SAXO1: variants seen among roughly 807,000 people sequenced by gnomAD.
SAXO1 encodes 4930500O09Rik.
In SAXO1, 21 loss-of-function variants were observed where a neutral mutation model predicts 17.5. That is an observed-to-expected ratio of 1.20 (90% confidence interval 0.85 to 1.72). The LOEUF is 1.72. Ranked by LOEUF, SAXO1 falls within the 40% of genes most tolerant of loss-of-function variation. The pLI is 0.00. For missense variants in SAXO1, 843 were observed against 596.0 expected (o/e 1.41, Z -4.32); for synonymous variants, 274 against 216.5 (o/e 1.27, Z -2.33).
intron 1 of SAXO1, among the ~76,000 whole-genome samples, chr9:18,994,788 A>T (rs1333608490): frequency 6.6e-6 from 1 of 152,188 alleles, no homozygotes; most frequent in Non-Finnish European, 1.5e-5. Flanking sequence ...GAAAGCTATT[A>T]GCAGTTCCAC....
At chr9:18,951,081 T>G in intron 1 of SAXO1, 144 bp from the exon 2 acceptor site, 1 of 810,166 alleles carries the variant, frequency 1.2e-6, no homozygotes, top group Non-Finnish European at 1.9e-6. Flanking sequence ...GTTACTTTTT[T>G]CCACTAAACT....
chr9:18,993,106 A>AT (rs201231209), intron 1 of SAXO1, among the ~76,000 whole-genome samples: 3,544 of 145,780 alleles, frequency 0.024, 92 homozygotes, highest in African/African-American at 0.062. Flanking sequence ...AGCCAGAACA[A>AT]TTTTTTTTTT....
At chr9:18,929,974 A>G (rs1433918868) in intron 3 of SAXO1, among the ~76,000 whole-genome samples, 1 of 152,224 alleles carries the variant, frequency 6.6e-6, no homozygotes, top group Non-Finnish European at 1.5e-5. Context: ...TGTGATGGGT[A>G]TGATTCTCTC....
chr9:19,024,663 T>G (rs1403401607), intron 1 of SAXO1, among the ~76,000 whole-genome samples: 1 of 151,888 alleles, frequency 6.6e-6, no homozygotes, highest in African/African-American at 2.4e-5. Flanking sequence ...CAGCTTCACT[T>G]TCCTCATCAC....
intron 1 of SAXO1, among the ~76,000 whole-genome samples, chr9:19,020,359 TG>T (rs146902086): frequency 0.49 from 72,062 of 147,978 alleles, 18,991 homozygotes; most frequent in Non-Finnish European, 0.61. Flanking sequence ...TTTTTTTTTT[TG>T]TGAGACAGGG....
intron 2 of SAXO1, 130 bp from the exon 3 acceptor site, chr9:18,941,969 C>T (rs975576425): frequency 6.3e-6 from 5 of 789,798 alleles, no homozygotes; most frequent in South Asian, 3.4e-5. Context: ...CCTCCTCCCC[C>T]GAACTGTTTC....
intron 1 of SAXO1, among the ~76,000 whole-genome samples, chr9:18,967,126 C>G (rs1832751764): frequency 6.6e-6 from 1 of 152,164 alleles, no homozygotes; most frequent in Admixed American, 6.5e-5. Flanking sequence ...AAGCTTCATC[C>G]CAGAGGGGCA....
intron 1 of SAXO1, among the ~76,000 whole-genome samples, chr9:18,982,705 A>C (rs545553540): frequency 6.6e-6 from 1 of 152,332 alleles, no homozygotes; most frequent in South Asian, 2.1e-4. Flanking sequence ...ATTCACCTAC[A>C]TTAATTCACT....
intron 1 of SAXO1, among the ~76,000 whole-genome samples, chr9:18,980,376 G>C (rs1003136071): frequency 1.3e-5 from 2 of 152,082 alleles, no homozygotes; most frequent in African/African-American, 2.4e-5. Flanking sequence ...GGAATCTGTA[G>C]TTTGAAAGGA....
At position 18,941,781 on chromosome 9, in the gene SAXO1, C is replaced by A; in HGVS notation, c.277G>T (p.Val93Phe). 1.2e-6 allele frequency: 2 copies of A among 1,614,160 alleles called. No individual in the cohort carries two copies. Among genetic ancestry groups the A allele is most frequent in the South Asian group, 1.1e-5 (1 of 91,082 alleles). Residue 93 changes from valine to phenylalanine, a missense_variant, in exon 3 of 4, where the codon GTC (valine) becomes TTC (phenylalanine). By Grantham distance (50) the Val-to-Phe change is conservative. Coordinates refer to ENST00000380534, the MANE Select transcript of SAXO1 (RefSeq NM_153707.4). ...PVKVHQYDQF[V>F]PSEENMDLLT... ...AAATCCATATTCTCTTCACTCGGGACGAACTGGTCATACTGGTGGACCTTC... is the reference window on the plus strand; with the variant it reads ...AAATCCATATTCTCTTCACTCGGGAAGAACTGGTCATACTGGTGGACCTTC...
intron 1 of SAXO1, among the ~76,000 whole-genome samples, chr9:19,015,266 A>G (rs1834925253): frequency 6.6e-6 from 1 of 152,218 alleles, no homozygotes; most frequent in Non-Finnish European, 1.5e-5. Context: ...CCTGGGCTCC[A>G]GCAATCCTCA....
At chr9:18,982,091 C>T (rs1436176511) in intron 1 of SAXO1, among the ~76,000 whole-genome samples, 1 of 152,164 alleles carries the variant, frequency 6.6e-6, no homozygotes, top group South Asian at 2.1e-4. Context: ...TTCTGAGAAC[C>T]TTAGATCTTC....
At chr9:19,046,434 G>A (rs985302381) in intron 1 of SAXO1, among the ~76,000 whole-genome samples, 22 of 152,280 alleles carry the variant, frequency 1.4e-4, no homozygotes, top group African/African-American at 4.6e-4. Context: ...GGTGGCTCAC[G>A]CCTGTAATCC....
At chr9:18,981,480 G>T (rs915668194) in intron 1 of SAXO1, among the ~76,000 whole-genome samples, 4 of 152,240 alleles carry the variant, frequency 2.6e-5, no homozygotes, top group Admixed American at 6.5e-5. Flanking sequence ...GATCCTCTGG[G>T]TAAGAGGCCA....
At chr9:18,942,559 G>C (rs2131704393) in intron 2 of SAXO1, among the ~76,000 whole-genome samples, 1 of 152,290 alleles carries the variant, frequency 6.6e-6, no homozygotes. Context: ...ACCCAGAAGA[G>C]GAAAACAGTG....
chr9:18,957,805 C>A (rs893428904), intron 1 of SAXO1, among the ~76,000 whole-genome samples: 10 of 152,186 alleles, frequency 6.6e-5, no homozygotes, highest in African/African-American at 1.9e-4. Context: ...ACCCAACTGG[C>A]CTCAGGGAAA....
At chr9:18,964,034 G>C (rs191952321) in intron 1 of SAXO1, among the ~76,000 whole-genome samples, 1 of 152,114 alleles carries the variant, frequency 6.6e-6, no homozygotes. Flanking sequence ...ATAATCATGT[G>C]GTTTTTGTCA....
chr9:18,948,104 G>A (rs1313741512), intron 2 of SAXO1, among the ~76,000 whole-genome samples: 1 of 152,120 alleles, frequency 6.6e-6, no homozygotes, highest in Non-Finnish European at 1.5e-5. Flanking sequence ...ACAAGGGTGT[G>A]CAGACACTGG....
chr9:18,994,228 G>A (rs1833921664), intron 1 of SAXO1, among the ~76,000 whole-genome samples: 1 of 152,144 alleles, frequency 6.6e-6, no homozygotes, highest in African/African-American at 2.4e-5. Flanking sequence ...CTATGTGGGT[G>A]TGTTTGTGTA....
Sources: gnomAD v4.1 joint callset for allele counts (sites outside exome capture counted in the v4.1 genomes callset) on GRCh38, gnomAD v4.1.1 for gene constraint, MANE v1.5 for transcripts, NCBI Gene and HGNC (gene_info 2026-07-23, HGNC 2026-07-21) for gene names.